The following POLA1 variants were observed in gnomAD, a reference collection of about 807,000 sequenced individuals.
POLA1 encodes DNA polymerase alpha catalytic subunit.
In POLA1, 15 loss-of-function variants were observed where a neutral mutation model predicts 124.0. That is an observed-to-expected ratio of 0.12 (90% CI 0.08 to 0.19). POLA1 has a LOEUF of 0.19. POLA1 is among the 10% of genes least tolerant of loss of function. POLA1 has a pLI of 1.00. For synonymous variants in POLA1, 408 were observed against 389.4 expected (o/e 1.05, Z -0.56); for missense variants, 886 against 1,103.4 (o/e 0.80, Z 2.79).
At chrX:24,714,386 G>T (rs1415292932) in intron 4 of POLA1, among the ~76,000 whole-genome samples, 168 bp from the exon 5 acceptor site, 1 of 112,350 alleles carries the variant, frequency 8.9e-6, no homozygotes, top group African/African-American at 3.2e-5. Context: ...TCGATCTCCT[G>T]ATCTCGTGAT....
intron 35 of POLA1, among the ~76,000 whole-genome samples, chrX:24,915,499 T>C (rs747797167): frequency 8.9e-6 from 1 of 111,996 alleles, no homozygotes; most frequent in Non-Finnish European, 1.9e-5. Flanking sequence ...GGAGTATTTC[T>C]CTTTTTATTT....
At chrX:24,950,335 G>T (rs2048020245) in intron 36 of POLA1, among the ~76,000 whole-genome samples, 1 of 112,030 alleles carries the variant, frequency 8.9e-6, no homozygotes, top group South Asian at 3.7e-4. Context: ...ACACTTGAAT[G>T]TAGCTAGTGC....
chrX:24,913,803 G>T, intron 35 of POLA1, among the ~76,000 whole-genome samples: 1 of 109,716 alleles, frequency 9.1e-6, no homozygotes, highest in South Asian at 3.9e-4. Flanking sequence ...CGAGGCAGGC[G>T]GATCACCCAA....
chrX:24,814,905 C>T (rs2045966476), intron 29 of POLA1, 74 bp from the exon 30 acceptor site: 1 of 931,736 alleles, frequency 1.1e-6, no homozygotes, highest in Admixed American at 3.5e-5. Context: ...TCTCTTCCTT[C>T]TTCTCCTTTA....
At chrX:24,883,527 A>G (rs1170543953) in intron 34 of POLA1, among the ~76,000 whole-genome samples, 3 of 112,359 alleles carry the variant, frequency 2.7e-5, no homozygotes, top group African/African-American at 9.7e-5. Context: ...TGAGGCCTCA[A>G]AAATATAATT....
intron 36 of POLA1, among the ~76,000 whole-genome samples, chrX:24,945,757 G>T (rs189804302): frequency 1.9e-4 from 21 of 111,071 alleles, no homozygotes; most frequent in African/African-American, 2.9e-4. Context: ...TGTCAAATAT[G>T]CATTAAGTTT....
intron 10 of POLA1, 92 bp from the exon 11 acceptor site, chrX:24,723,063 G>A (rs1930301186): frequency 4.9e-6 from 3 of 610,192 alleles, no homozygotes; most frequent in Non-Finnish European, 8.4e-6. Context: ...AGGTATAAAT[G>A]TGTGGACACA....
intron 26 of POLA1, among the ~76,000 whole-genome samples, chrX:24,801,718 A>G (rs1039438948): frequency 2.7e-5 from 3 of 111,579 alleles, no homozygotes. Context: ...AAGTACATAC[A>G]TCGTTAAATT....
chrX:24,817,074 A>AT (rs2046001358), intron 30 of POLA1, among the ~76,000 whole-genome samples: 2 of 111,684 alleles, frequency 1.8e-5, no homozygotes, highest in Non-Finnish European at 3.8e-5. Context: ...GGGGCTGTGA[A>AT]TAGATTTTTC....
At chrX:24,717,876 GT>G (rs371660853) in intron 10 of POLA1, 118 bp downstream of exon 10, 452 of 434,436 alleles carry the variant, frequency 1.0e-3, no homozygotes, top group Non-Finnish European at 1.0e-3. Context: ...GTTTATTTCT[GT>G]TTTTTTTTTC....
At chrX:24,841,978 A>G (rs1042238389) in intron 33 of POLA1, 148 bp downstream of exon 33, 14 of 401,810 alleles carry the variant, frequency 3.5e-5, no homozygotes, top group Admixed American at 2.7e-4. Flanking sequence ...TGTGAAATCT[A>G]CCTTCACAGC....
chrX:24,822,825 C>T (rs2046112614), intron 31 of POLA1, among the ~76,000 whole-genome samples: 1 of 110,701 alleles, frequency 9.0e-6, no homozygotes, highest in Non-Finnish European at 1.9e-5. Flanking sequence ...TATGTCTTCA[C>T]ATACATGGAA....
At chrX:24,696,012 G>A (rs1303014557) in intron 1 of POLA1, among the ~76,000 whole-genome samples, 4 of 112,804 alleles carry the variant, frequency 3.5e-5, no homozygotes, top group Non-Finnish European at 7.5e-5. Context: ...GGTACTCTTA[G>A]GTATGGTGTG....
intron 34 of POLA1, among the ~76,000 whole-genome samples, chrX:24,867,581 A>G (rs1836677404): frequency 8.9e-6 from 1 of 111,993 alleles, no homozygotes; most frequent in Non-Finnish European, 1.9e-5. Context: ...TGTTTTATCA[A>G]AAAATAACTT....
chrX:24,961,900 G>A (rs1235376750), intron 36 of POLA1, among the ~76,000 whole-genome samples: 1 of 111,722 alleles, frequency 9.0e-6, no homozygotes, highest in Non-Finnish European at 1.9e-5. Context: ...TAGCCTGAAA[G>A]TTTTTGAGAA....
chrX:24,947,105 T>G (rs2047970477), intron 36 of POLA1, among the ~76,000 whole-genome samples: 1 of 110,666 alleles, frequency 9.0e-6, no homozygotes, highest in African/African-American at 3.3e-5. Flanking sequence ...TAAATCAAAC[T>G]GATGCTCAGT....
intron 34 of POLA1, among the ~76,000 whole-genome samples, chrX:24,864,572 T>C (rs1424586391): frequency 1.8e-5 from 2 of 111,885 alleles, no homozygotes; most frequent in Admixed American, 9.5e-5. Flanking sequence ...TGTCAAATTA[T>C]CATTCCTCTA....
intron 26 of POLA1, among the ~76,000 whole-genome samples, chrX:24,768,526 C>A (rs1030005412): frequency 8.9e-6 from 1 of 112,167 alleles, no homozygotes; most frequent in Admixed American, 9.4e-5. Context: ...GCAGAATAAA[C>A]AAATAGATAC....
At chrX:24,933,178 T>C (rs1302992593) in intron 36 of POLA1, among the ~76,000 whole-genome samples, 2 of 111,751 alleles carry the variant, frequency 1.8e-5, no homozygotes, top group African/African-American at 6.5e-5. Context: ...AGTTGGATGG[T>C]TTCTAAATAA....
Sources: allele counts gnomAD v4.1 joint callset (sites outside exome capture counted in the v4.1 genomes callset), GRCh38; gene constraint gnomAD v4.1.1; transcripts MANE v1.5; gene names NCBI Gene and HGNC (gene_info 2026-07-23, HGNC 2026-07-21).